Variants in TBC1D5 observed in about 807,000 individuals in gnomAD.
TBC1D5 encodes TBC1 domain family member 5.
In TBC1D5, 75 loss-of-function variants were observed where a neutral mutation model predicts 100.3. That is an observed-to-expected ratio of 0.75 (90% CI 0.62 to 0.91). The LOEUF (loss-of-function observed/expected upper bound fraction) is 0.91. Among genes scored for constraint, TBC1D5 ranks in the 40% least tolerant of loss-of-function variants. The pLI is 0.00. For synonymous variants in TBC1D5, 323 were observed against 325.6 expected (o/e 0.99, Z 0.09); for missense variants, 910 against 942.4 (o/e 0.97, Z 0.45).
chr3:17,349,426 T>G (rs965035961), intron 13 of TBC1D5, among the ~76,000 whole-genome samples: 15 of 152,198 alleles, frequency 9.9e-5, no homozygotes, highest in African/African-American at 3.6e-4. Context: ...TGTATGATTT[T>G]TCTGTTTAAA....
chr3:17,735,457 G>T (rs2076890266), intron 1 of TBC1D5, among the ~76,000 whole-genome samples: 2 of 152,146 alleles, frequency 1.3e-5, no homozygotes, highest in Admixed American at 6.5e-5. Context: ...TGTTATGAGT[G>T]GGTCTTTGTT....
chr3:17,547,038 T>C (rs1285281819), intron 2 of TBC1D5: 1 of 152,094 alleles, frequency 6.6e-6, no homozygotes, highest in African/African-American at 2.4e-5. Flanking sequence ...ACAGTTCCAA[T>C]CAGTAGCAGA....
At chr3:17,598,956 C>T (rs1004780036) in intron 2 of TBC1D5, among the ~76,000 whole-genome samples, 2 of 152,146 alleles carry the variant, frequency 1.3e-5, no homozygotes, top group African/African-American at 4.8e-5. Flanking sequence ...AGAAACATAG[C>T]TTTAAGGGTC....
chr3:17,256,438 A>G (rs1013923179), intron 16 of TBC1D5, among the ~76,000 whole-genome samples: 6 of 148,436 alleles, frequency 4.0e-5, no homozygotes, highest in Admixed American at 2.0e-4. Context: ...TAATATATAT[A>G]TAAACTCATT....
chr3:17,291,392 T>A (rs2081725017), intron 15 of TBC1D5, among the ~76,000 whole-genome samples: 1 of 152,228 alleles, frequency 6.6e-6, no homozygotes, highest in Admixed American at 6.5e-5. Flanking sequence ...AATCTTTATT[T>A]TATTAGATTA....
chr3:17,637,162 CG>C (rs1260928097), intron 1 of TBC1D5, among the ~76,000 whole-genome samples: 2 of 141,542 alleles, frequency 1.4e-5, no homozygotes, highest in Non-Finnish European at 3.0e-5. Context: ...GCTGGGACTA[CG>C]GGTGTGTGCC....
intron 2 of TBC1D5, among the ~76,000 whole-genome samples, chr3:17,515,275 C>G (rs1378379988): frequency 6.6e-6 from 1 of 152,088 alleles, no homozygotes; most frequent in Non-Finnish European, 1.5e-5. Context: ...AATTGTGGGG[C>G]AATCCTTCTA....
intron 2 of TBC1D5, among the ~76,000 whole-genome samples, chr3:17,544,494 T>C (rs1000216872): frequency 1.3e-5 from 2 of 151,894 alleles, no homozygotes; most frequent in Admixed American, 1.3e-4. Flanking sequence ...CTACTAAATA[T>C]ACAAAAATTG....
chr3:17,490,567 C>A (rs1188733849), intron 3 of TBC1D5, among the ~76,000 whole-genome samples: 3 of 152,126 alleles, frequency 2.0e-5, no homozygotes, highest in Admixed American at 1.3e-4. Context: ...GTTCTCCCAG[C>A]ACCATTTATT....
At chr3:17,234,638 T>C (rs1233303924) in intron 17 of TBC1D5, among the ~76,000 whole-genome samples, 4 of 152,254 alleles carry the variant, frequency 2.6e-5, no homozygotes, top group Admixed American at 6.5e-5. Context: ...TGAAGGCCTA[T>C]GCTATTTTCA....
chr3:17,380,081 G>GTGTGTGTT (rs2092884847), intron 9 of TBC1D5, among the ~76,000 whole-genome samples: 1 of 147,920 alleles, frequency 6.8e-6, no homozygotes, highest in East Asian at 1.9e-4. Context: ...GTGTGTGTGT[G>GTGTGTGTT]TGTGTGTGTA....
intron 13 of TBC1D5, among the ~76,000 whole-genome samples, chr3:17,320,307 T>C (rs934373147): frequency 2.0e-5 from 3 of 152,206 alleles, no homozygotes; most frequent in South Asian, 2.1e-4. Flanking sequence ...CACATGAAAA[T>C]TTGTTCAAAC....
intron 8 of TBC1D5, among the ~76,000 whole-genome samples, chr3:17,395,155 G>A (rs1303748220): frequency 6.6e-6 from 1 of 151,998 alleles, no homozygotes; most frequent in East Asian, 1.9e-4. Flanking sequence ...TGCAGTTCAG[G>A]AGATGGGATC....
At chr3:17,738,723 A>T (rs2077162171) in intron 1 of TBC1D5, among the ~76,000 whole-genome samples, 1 of 152,134 alleles carries the variant, frequency 6.6e-6, no homozygotes, top group Non-Finnish European at 1.5e-5. Context: ...GGTAAGAAAT[A>T]AAAAAGCCAA....
chr3:17,733,121 CAG>C (rs1235661877), intron 1 of TBC1D5, among the ~76,000 whole-genome samples: 1 of 152,014 alleles, frequency 6.6e-6, no homozygotes, highest in Non-Finnish European at 1.5e-5. Flanking sequence ...CAATGGAGTC[CAG>C]AGAGAGAATC....
intron 2 of TBC1D5, among the ~76,000 whole-genome samples, chr3:17,577,756 T>C (rs1275371015): frequency 1.3e-5 from 2 of 151,986 alleles, no homozygotes; most frequent in Non-Finnish European, 2.9e-5. Context: ...ATAAAACAAA[T>C]ACTCTGACCA....
chr3:17,739,308 T>G (rs914578498), intron 1 of TBC1D5: 4 of 152,246 alleles, frequency 2.6e-5, no homozygotes, highest in Non-Finnish European at 5.9e-5. Context: ...GATTATATAT[T>G]CATTTTTAAA....
chr3:17,300,023 T>G (rs957591308), intron 14 of TBC1D5, among the ~76,000 whole-genome samples: 3 of 152,104 alleles, frequency 2.0e-5, no homozygotes, highest in Non-Finnish European at 4.4e-5. Flanking sequence ...ATAATTCAAT[T>G]TTTTTAAAAA....
intron 13 of TBC1D5, among the ~76,000 whole-genome samples, chr3:17,351,886 C>T (rs2090627843): frequency 1.3e-5 from 2 of 150,618 alleles, no homozygotes; most frequent in Non-Finnish European, 3.0e-5. Context: ...ACAAAGTTGG[C>T]TAAATATGGT....
Sources: gnomAD v4.1 joint callset for allele counts (sites outside exome capture counted in the v4.1 genomes callset) on GRCh38, gnomAD v4.1.1 for gene constraint, MANE v1.5 for transcripts, NCBI Gene and HGNC (gene_info 2026-07-23, HGNC 2026-07-21) for gene names.